TNFAIP8: variants seen among roughly 807,000 people sequenced by gnomAD.
The protein encoded by TNFAIP8 is tumor necrosis factor alpha-induced protein 8.
TNFAIP8 carries 7 observed loss-of-function variants against 13.3 expected under a neutral mutation model. The observed-to-expected ratio is 0.52, with a 90% CI of 0.30 to 0.99. The LOEUF is 0.99. Among genes scored for constraint, TNFAIP8 ranks in the 50% least tolerant of loss-of-function variants. The pLI is 0.07. For synonymous variants in TNFAIP8, 94 were observed against 87.6 expected (o/e 1.07, Z -0.41); for missense variants, 258 against 236.9 (o/e 1.09, Z -0.58).
intron 1 of TNFAIP8, among the ~76,000 whole-genome samples, chr5:119,342,190 C>T (rs577731413): frequency 6.6e-6 from 1 of 152,328 alleles, no homozygotes; most frequent in East Asian, 1.9e-4. Context: ...AGGTATCACC[C>T]TTCTAATGAT....
rs562908169 is a variant in TNFAIP8 at position 119,285,551 on chromosome 5, T to C, written c.1+16644T>C. On this transcript the variant is annotated intron_variant, in intron 1 of 1. Transcript: ENST00000274456. ...GCCTTGAGATAATCTTGTGAGTAGA[T>C]TTATTTTTAGGCTATATTTGTGTTC... Among the ~76,000 whole-genome samples the C allele has an allele frequency of 9.3e-4, 141 of 152,316 alleles. 1 individual carries two copies. The highest frequency in any genetic ancestry group is 3.1e-3 in the African/African-American group (130 of 41,558).
rs367789572 is a variant in TNFAIP8 at position 119,338,165 on chromosome 5, G to GACACACACACAC, written c.2-54616_2-54605dup. On this transcript the variant is annotated intron_variant, in intron 1 of 1. Coordinates refer to the TNFAIP8 transcript ENST00000274456. ...ATTCCAGATTGGAATCTGGAACTTT[G>GACACACACACAC]ACACACACACACACACACACACACA... 5.3e-3 allele frequency among the ~76,000 whole-genome samples: 663 copies of GACACACACACAC among 125,218 alleles called. 5 individuals are homozygous for GACACACACACAC. Among genetic ancestry groups the GACACACACACAC allele is most frequent in the East Asian group, 7.6e-3 (30 of 3,946 alleles). 82.1% of individuals were successfully genotyped at this position (125,218 alleles called of 152,430 possible). A position where few individuals can be genotyped will look rare whatever the true frequency, so the allele number is the denominator to read the frequency against.
chr5:119,285,532 A>T (rs752978700), intron 1 of TNFAIP8, among the ~76,000 whole-genome samples: 20 of 152,176 alleles, frequency 1.3e-4, no homozygotes, highest in Non-Finnish European at 2.8e-4. Flanking sequence ...TGTTGCCTTG[A>T]GATAATCTTG....
Position 119,393,010 on chromosome 5 carries a change from A to G in TNFAIP8, c.226A>G (p.Ile76Val), listed in dbSNP as rs1460453469. ...GGCAGAGAAGATCATCAAGAACCTC[A>G]TCAAGACAGTCATCAAGCTGGCCAT... ...KEAEKIIKNL[I>V]KTVIKLAILY... Residue 76 changes from isoleucine (I) to valine (V), a missense_variant, in exon 2 of 2, where the codon ATC (isoleucine) becomes GTC (valine). Coordinates refer to ENST00000504771, the MANE Select transcript of TNFAIP8 (RefSeq NM_014350.4). 1 of 1,613,308 alleles carries G rather than the reference A, an allele frequency of 6.2e-7. No homozygotes were observed. The highest frequency in any genetic ancestry group is 8.5e-7 in the Non-Finnish European group (1 of 1,179,622).
intron 1 of TNFAIP8, among the ~76,000 whole-genome samples, chr5:119,277,133 T>A (rs537002154): frequency 9.2e-5 from 14 of 152,326 alleles, no homozygotes; most frequent in African/African-American, 3.4e-4. Context: ...TATACTGCAC[T>A]CACCTGTTTT....
At chr5:119,289,934 A>G (rs555632605) in intron 1 of TNFAIP8, among the ~76,000 whole-genome samples, 2 of 152,240 alleles carry the variant, frequency 1.3e-5, no homozygotes, top group Admixed American at 6.5e-5. Context: ...ATTCAAAACC[A>G]TTATGAAGTC....
At chr5:119,283,860 G>A (rs914658223) in intron 1 of TNFAIP8, among the ~76,000 whole-genome samples, 9 of 152,236 alleles carry the variant, frequency 5.9e-5, no homozygotes, top group African/African-American at 2.2e-4. Context: ...AAGGACTTGG[G>A]TTAAAAAAAC....
chr5:119,377,777 C>A (rs1326941515), intron 1 of TNFAIP8, among the ~76,000 whole-genome samples: 2 of 152,194 alleles, frequency 1.3e-5, no homozygotes, highest in African/African-American at 4.8e-5. Flanking sequence ...CCACACATGC[C>A]CCTCAGTTTC....
chr5:119,303,941 A>G (rs926185365), intron 1 of TNFAIP8, among the ~76,000 whole-genome samples: 2 of 152,168 alleles, frequency 1.3e-5, no homozygotes, highest in African/African-American at 2.4e-5. Flanking sequence ...CAGTATTTGA[A>G]TGGAGGTTTT....
At chr5:119,333,581 A>G in intron 1 of TNFAIP8, 1 of 1,535,626 alleles carries the variant, frequency 6.5e-7, no homozygotes, top group Non-Finnish European at 8.7e-7. Flanking sequence ...CTACCAAGAT[A>G]CTGTGAAGTT....
intron 1 of TNFAIP8, among the ~76,000 whole-genome samples, chr5:119,389,187 A>T (rs1056463598): frequency 6.6e-6 from 1 of 152,152 alleles, no homozygotes; most frequent in Non-Finnish European, 1.5e-5. Context: ...ATTAATTGAG[A>T]TCATAAAGAG....
intron 1 of TNFAIP8, among the ~76,000 whole-genome samples, chr5:119,278,352 G>GGGAGAGA (rs376703661): frequency 4.8e-4 from 59 of 123,170 alleles, no homozygotes; most frequent in Admixed American, 7.0e-4. Context: ...ACAGGAAGGG[G>GGGAGAGA]GAGAGAGAGA....
chr5:119,398,232 G>A lies in TNFAIP8; in HGVS notation c.*4851G>A, dbSNP rs1411294129. ...TGCATAACTGTATTTCTGCCTCGTG[G>A]AAATAAAGTAGATGATCAGGCACTT... On this transcript the variant is annotated 3_prime_UTR_variant, in exon 2 of 2. Coordinates refer to ENST00000504771, the MANE Select transcript of TNFAIP8 (RefSeq NM_014350.4). 3 of 152,184 alleles carry A rather than the reference G, an allele frequency of 2.0e-5. No individual in the cohort carries two copies. The highest frequency in any genetic ancestry group is 3.8e-4 in the East Asian group (2 of 5,198). 9.4% of individuals were successfully genotyped at this position (152,184 alleles called of 1,614,324 possible). A position where few individuals can be genotyped will look rare whatever the true frequency, so the allele number is the denominator to read the frequency against.
chr5:119,341,457 G>T (rs908295209), intron 1 of TNFAIP8, among the ~76,000 whole-genome samples: 1 of 152,140 alleles, frequency 6.6e-6, no homozygotes. Flanking sequence ...GGTGGGTTCG[G>T]TCCCAAGGCT....
At chr5:119,369,996 A>G (rs914836016) in intron 1 of TNFAIP8, among the ~76,000 whole-genome samples, 6 of 152,240 alleles carry the variant, frequency 3.9e-5, no homozygotes, top group East Asian at 1.9e-4. Flanking sequence ...ATTTGGTCCA[A>G]TCACACTTTA....
intron 1 of TNFAIP8, among the ~76,000 whole-genome samples, chr5:119,367,605 ATGT>A (rs951750371): frequency 1.3e-5 from 2 of 152,166 alleles, no homozygotes; most frequent in Non-Finnish European, 2.9e-5. Flanking sequence ...AAAATGTTTG[ATGT>A]TGTTTTTTAT....
At chr5:119,329,327 C>T (rs1209884085) in intron 1 of TNFAIP8, among the ~76,000 whole-genome samples, 1 of 152,136 alleles carries the variant, frequency 6.6e-6, no homozygotes, top group African/African-American at 2.4e-5. Context: ...ATAAAAAGGC[C>T]TACCTTCCCA....
At chr5:119,312,551 G>A (rs1396832506) in intron 1 of TNFAIP8, among the ~76,000 whole-genome samples, 4 of 151,918 alleles carry the variant, frequency 2.6e-5, no homozygotes, top group Admixed American at 6.6e-5. Flanking sequence ...AAATGACACC[G>A]CCAGAGGGGG....
chr5:119,310,993 G>A lies in TNFAIP8; in HGVS notation c.1+42086G>A, dbSNP rs148800709. Among the ~76,000 whole-genome samples the A allele has an allele frequency of 3.6e-3, 555 of 152,168 alleles. 1 individual carries two copies. Among genetic ancestry groups the A allele is most frequent in the African/African-American group, 0.012 (514 of 41,522 alleles). ...CTTAAATATTCCTAGCTTTGTTTTG[G>A]TGTTCATTTTATCTGTTTTTTGTTT... On this transcript the variant is annotated intron_variant, in intron 1 of 1. Transcript: ENST00000274456.
Sources: allele counts gnomAD v4.1 joint callset (sites outside exome capture counted in the v4.1 genomes callset), GRCh38; gene constraint gnomAD v4.1.1; transcripts MANE v1.5; gene names NCBI Gene and HGNC (gene_info 2026-07-23, HGNC 2026-07-21).